The following SPINK5 variants were observed in gnomAD, a reference collection of about 807,000 sequenced individuals.
SPINK5 encodes serine peptidase inhibitor Kazal type 5.
A neutral mutation model predicts 151.8 loss-of-function variants in SPINK5; 125 were observed. The observed-to-expected ratio is 0.82, with a 90% CI of 0.71 to 0.96. SPINK5 has a LOEUF of 0.96. Among genes scored for constraint, SPINK5 ranks in the 40% least tolerant of loss-of-function variants. The pLI is 0.00. For synonymous variants in SPINK5, 374 were observed against 395.3 expected (o/e 0.95, Z 0.64); for missense variants, 1,194 against 1,291.9 (o/e 0.92, Z 1.16).
Position 148,120,336 on chromosome 5 carries a change from A to G in SPINK5, c.2483A>G (p.Asp828Gly). 6.2e-7 allele frequency: 1 copy of G among 1,604,828 alleles called. No individual in the cohort carries two copies. Among genetic ancestry groups the G allele is most frequent in the South Asian group, 1.1e-5 (1 of 89,480 alleles). The change falls in exon 26 of 33, where the codon GAC (aspartate) becomes GGC (glycine). Residue 828 changes from aspartate (D) to glycine (G), a missense_variant. Coordinates refer to ENST00000256084, the MANE Select transcript of SPINK5 (RefSeq NM_006846.4). ...GAAAAAAAAAAGAAAGAGGATGAAG[A>G]CAGGAGCAATACAGGAGAAAGGAGC... is the stretch of plus-strand genomic sequence containing the variant. ...AAEKKKKEDE[D>G]RSNTGERSNT...
intron 8 of SPINK5, among the ~76,000 whole-genome samples, chr5:148,093,391 G>A (rs989076549): frequency 4.0e-5 from 6 of 151,778 alleles, no homozygotes; most frequent in African/African-American, 1.5e-4. Context: ...TTCTAAATGA[G>A]TATCAGTCTT....
chr5:148,087,776 C>T (rs1049667463), intron 5 of SPINK5, among the ~76,000 whole-genome samples: 4 of 151,756 alleles, frequency 2.6e-5, no homozygotes, highest in South Asian at 2.1e-4. Context: ...TTGTACTATG[C>T]GATGAGAATC....
chr5:148,125,640 G>C (rs781434405), intron 28 of SPINK5, 83 bp from the exon 29 acceptor site: 1 of 1,613,966 alleles, frequency 6.2e-7, no homozygotes, highest in Non-Finnish European at 8.5e-7. Context: ...AGCTAAGAGA[G>C]GACTTCCTAA....
chr5:148,130,673 G>A (rs1008770763), intron 30 of SPINK5, among the ~76,000 whole-genome samples: 1 of 152,094 alleles, frequency 6.6e-6, no homozygotes, highest in Admixed American at 6.5e-5. Context: ...TGAACACTTA[G>A]TATGTGACAG....
In SPINK5 at chr5:148,091,190, C is replaced by T. The variant is rs535512727; in HGVS notation, c.628C>T (p.Arg210Ter). 12 of 1,611,270 alleles carry T rather than the reference C, an allele frequency of 7.4e-6. No individual in the cohort carries two copies. The highest frequency in any genetic ancestry group is 4.4e-5 in the South Asian group (4 of 90,976). ...TTTAAAAGAAGCTGAAAATGCCAAGCGAGAGGGTGAAACTAGAATTCGACG... is the reference window on the plus strand; with the variant it reads ...TTTAAAAGAAGCTGAAAATGCCAAGTGAGAGGGTGAAACTAGAATTCGACG... Reference protein sequence around the residue: ...LFLKEAENAKREGETRIRRNA... With the variant: ...LFLKEAENAK The change falls in exon 8 of 33, where the codon CGA becomes TGA. Residue 210 changes from arginine (R) to a stop codon, truncating the protein, a stop_gained. Transcript: ENST00000256084. LOFTEE classifies it high-confidence loss of function.
intron 4 of SPINK5, among the ~76,000 whole-genome samples, chr5:148,079,356 T>C (rs1752962190): frequency 6.6e-6 from 1 of 151,158 alleles, no homozygotes; most frequent in Admixed American, 6.6e-5. Flanking sequence ...AGAAATAATA[T>C]GAATTCTTTA....
chr5:148,094,488 A>G lies in SPINK5; in HGVS notation c.794+7A>G. ...CCCTGTGTGCTGAAATTTTGTGAGTATAGAAGTGGTTTTTTCAGAGTGATT... is the reference window on the plus strand; with the variant it reads ...CCCTGTGTGCTGAAATTTTGTGAGTGTAGAAGTGGTTTTTTCAGAGTGATT... On this transcript the variant is annotated splice_region_variant and intron_variant, in intron 9 of 32. Transcript: ENST00000256084. The G allele has an allele frequency of 6.2e-7, 1 of 1,612,208 alleles. No homozygotes were observed.
chr5:148,100,960 G>C (rs10515604), intron 13 of SPINK5, among the ~76,000 whole-genome samples: 7,588 of 152,132 alleles, frequency 0.05, 644 homozygotes, highest in African/African-American at 0.17. Context: ...TTTCAAAGAT[G>C]GATGATTTAC....
At chr5:148,105,860 G>A (rs1753769298) in intron 16 of SPINK5, among the ~76,000 whole-genome samples, 1 of 149,874 alleles carries the variant, frequency 6.7e-6, no homozygotes, top group Non-Finnish European at 1.5e-5. Context: ...CTGACCTCAA[G>A]TGATTCACTC....
chr5:148,115,199 G>A (rs1174937461), intron 21 of SPINK5, among the ~76,000 whole-genome samples: 1 of 152,150 alleles, frequency 6.6e-6, no homozygotes, highest in African/African-American at 2.4e-5. Flanking sequence ...ATAAAATGTG[G>A]ACATGACAGA....
At chr5:148,096,334 CCTGT>C (rs1450323796) in intron 10 of SPINK5, among the ~76,000 whole-genome samples, 1 of 151,924 alleles carries the variant, frequency 6.6e-6, no homozygotes, top group African/African-American at 2.4e-5. Context: ...TAACTAGTCA[CCTGT>C]CTGTTTTTCT....
chr5:148,095,716 TA>T, intron 9 of SPINK5, 101 bp from the exon 10 acceptor site: 2 of 1,019,258 alleles, frequency 2.0e-6, no homozygotes, highest in East Asian at 5.0e-5. Flanking sequence ...GTGTTTGTAC[TA>T]AAACTCAGGA....
At chr5:148,078,362 C>A (rs1487239634) in intron 4 of SPINK5, among the ~76,000 whole-genome samples, 1 of 150,928 alleles carries the variant, frequency 6.6e-6, no homozygotes, top group Non-Finnish European at 1.5e-5. Context: ...TTTCAATACT[C>A]CACTTAAAAT....
At position 148,091,224 on chromosome 5, in the gene SPINK5, A is replaced by T. The variant is rs1449372868; in HGVS notation, c.662A>T (p.Glu221Val). The change falls in exon 8 of 33, where the codon GAA becomes GTA. Residue 221 changes from glutamate to valine, a missense_variant. By Grantham distance (121) the Glu-to-Val change is moderately radical (BLOSUM62 -2). Transcript: ENST00000256084. ...GAAACTAGAATTCGACGAAATGCTG[A>T]AAAGGTAAAATGACTCACCAACGCA... Reference protein sequence around the residue: ...EGETRIRRNAEKDFCKEYEKQ... With the variant: ...EGETRIRRNAVKDFCKEYEKQ... 6.2e-7 allele frequency: 1 copy of T among 1,611,128 alleles called. No individual in the cohort carries two copies. The highest frequency in any genetic ancestry group is 1.3e-5 in the African/African-American group (1 of 74,816).
rs548698887 is a variant in SPINK5 at position 148,095,795 on chromosome 5, C to T, written c.795-23C>T. Reference sequence around the variant, plus strand: ...AACATGAAGATCGGAAGCATCTCTACTCATTTATTTTACTTTTTCCAGCAA... The same window carrying T: ...AACATGAAGATCGGAAGCATCTCTATTCATTTATTTTACTTTTTCCAGCAA... On this transcript the variant is annotated intron_variant, in intron 9 of 32. Coordinates refer to ENST00000256084, the MANE Select transcript of SPINK5 (RefSeq NM_006846.4). 4.4e-6 allele frequency: 7 copies of T among 1,577,704 alleles called. No homozygotes were observed. The South Asian group carries it at 5.5e-5, about 12-fold the overall frequency.
intron 4 of SPINK5, among the ~76,000 whole-genome samples, chr5:148,084,050 ATCT>A (rs939828431): frequency 1.3e-5 from 2 of 151,872 alleles, no homozygotes; most frequent in African/African-American, 4.8e-5. Flanking sequence ...TTATGCAGAT[ATCT>A]TCTCTTATCT....
chr5:148,092,074 A>T (rs1753327496), intron 8 of SPINK5, among the ~76,000 whole-genome samples: 1 of 151,912 alleles, frequency 6.6e-6, no homozygotes, highest in African/African-American at 2.4e-5. Flanking sequence ...TCTTGTCAGC[A>T]AAGTAAAGAG....
intron 18 of SPINK5, among the ~76,000 whole-genome samples, chr5:148,110,811 A>G (rs1211479058): frequency 6.6e-6 from 1 of 151,722 alleles, no homozygotes; most frequent in Non-Finnish European, 1.5e-5. Flanking sequence ...ATGCATGCAA[A>G]TATCTAATAT....
intron 1 of SPINK5, among the ~76,000 whole-genome samples, chr5:148,064,765 A>T (rs1752533867): frequency 6.6e-6 from 1 of 152,114 alleles, no homozygotes; most frequent in Admixed American, 6.6e-5. Flanking sequence ...AATAATGCCC[A>T]TTTTCCTAAA....
Sources: gnomAD v4.1 joint callset for allele counts (sites outside exome capture counted in the v4.1 genomes callset) on GRCh38, gnomAD v4.1.1 for gene constraint, MANE v1.5 for transcripts, NCBI Gene and HGNC (gene_info 2026-07-23, HGNC 2026-07-21) for gene names.